The following NXPE2 variants were observed in gnomAD, a reference collection of about 807,000 sequenced individuals.
The protein encoded by NXPE2 is neurexophilin and PC-esterase domain family member 2.
In NXPE2, 34 loss-of-function variants were observed where a neutral mutation model predicts 34.4. That is an observed-to-expected ratio of 0.99 (90% CI 0.75 to 1.31). The LOEUF (loss-of-function observed/expected upper bound fraction) is 1.31, where lower values mean the gene tolerates loss of function less well. Ranked by LOEUF, NXPE2 falls within the 40% of genes most tolerant of loss-of-function variation. The pLI, the probability that NXPE2 is intolerant of heterozygous loss-of-function variation, is 0.00. For synonymous variants in NXPE2, 235 were observed against 231.3 expected (o/e 1.02, Z -0.15); for missense variants, 649 against 672.5 (o/e 0.97, Z 0.39).
chr11:114,671,722 A>T, the NXPE2 span, among the ~76,000 whole-genome samples: 1 of 152,040 alleles, frequency 6.6e-6, no homozygotes, highest in Non-Finnish European at 1.5e-5. Context: ...GAAGAGGAAA[A>T]AGAGAAATTC....
At chr11:114,713,697 A>G in the NXPE2 span, among the ~76,000 whole-genome samples, 1,310 of 152,240 alleles carry the variant, frequency 8.6e-3, 19 homozygotes, top group African/African-American at 0.029. Context: ...TGAATTCTCT[A>G]TTTTCTTCGA....
At chr11:114,588,265 T>C in the NXPE2 span, among the ~76,000 whole-genome samples, 4 of 152,160 alleles carry the variant, frequency 2.6e-5, no homozygotes, top group Admixed American at 2.6e-4. Flanking sequence ...AGCTTCACTC[T>C]TATCCTTACA....
At chr11:114,582,510 A>T in the NXPE2 span, 1 of 1,614,112 alleles carries the variant, frequency 6.2e-7, no homozygotes, top group Non-Finnish European at 8.5e-7. Flanking sequence ...GCCAGTGAAG[A>T]TCACCCTGTC....
At chr11:114,529,384 C>A in the NXPE2 span, 1 of 152,128 alleles carries the variant, frequency 6.6e-6, no homozygotes, top group African/African-American at 2.4e-5. Flanking sequence ...TCAAAGTAGC[C>A]CATGAAGGAA....
the NXPE2 span, among the ~76,000 whole-genome samples, chr11:114,725,154 C>T: frequency 6.6e-6 from 1 of 152,002 alleles, no homozygotes; most frequent in Non-Finnish European, 1.5e-5. Context: ...TTAACAAGGA[C>T]AGCGAAGATA....
At chr11:114,637,893 A>C in the NXPE2 span, among the ~76,000 whole-genome samples, 1 of 151,902 alleles carries the variant, frequency 6.6e-6, no homozygotes, top group Admixed American at 6.6e-5. Flanking sequence ...GGCTGCCCTT[A>C]ACATTTTTTC....
the NXPE2 span, among the ~76,000 whole-genome samples, chr11:114,646,285 A>G: frequency 1.3e-5 from 2 of 151,580 alleles, no homozygotes; most frequent in African/African-American, 4.8e-5. Flanking sequence ...TTTTTCAAGA[A>G]TTTTTTTCAT....
chr11:114,507,085 TTATAA>T, the NXPE2 span, among the ~76,000 whole-genome samples: 1 of 151,776 alleles, frequency 6.6e-6, no homozygotes, highest in South Asian at 2.1e-4. Context: ...CCACAGAATA[TTATAA>T]ACACCTCTAT....
At chr11:114,586,778 C>A in the NXPE2 span, among the ~76,000 whole-genome samples, 1 of 152,306 alleles carries the variant, frequency 6.6e-6, no homozygotes, top group East Asian at 1.9e-4. Flanking sequence ...CAAATTTTCT[C>A]CTTTCCTATC....
the NXPE2 span, among the ~76,000 whole-genome samples, chr11:114,629,755 T>G: frequency 4.0e-5 from 6 of 151,330 alleles, no homozygotes; most frequent in African/African-American, 1.2e-4. Context: ...ACGACATGAT[T>G]GTATATCTAG....
the NXPE2 span, among the ~76,000 whole-genome samples, chr11:114,650,060 C>A: frequency 6.6e-6 from 1 of 152,092 alleles, no homozygotes; most frequent in South Asian, 2.1e-4. Flanking sequence ...ACACTGCTTC[C>A]ACCCTAACAA....
the NXPE2 span, among the ~76,000 whole-genome samples, chr11:114,505,461 A>C: frequency 6.6e-6 from 1 of 151,910 alleles, no homozygotes; most frequent in Non-Finnish European, 1.5e-5. Context: ...AAAAAATGTT[A>C]AAGGCAGCCA....
Position 114,707,053 on chromosome 11 carries a change from A to T in NXPE2, c.*123A>T, listed in dbSNP as rs1951492632. The T allele has an allele frequency of 1.4e-6, 1 of 697,624 alleles. No individual in the cohort carries two copies. The highest frequency in any genetic ancestry group is 2.3e-6 in the Non-Finnish European group (1 of 428,496). 43.2% of individuals were successfully genotyped at this position (697,624 alleles called of 1,614,324 possible). ...TTTGAAAAAGTTCTATTAAAGTTAA[A>T]TATATGTAACATAACATTTACCATT... On this transcript the variant is annotated 3_prime_UTR_variant, in exon 6 of 6. Coordinates refer to ENST00000389586, the MANE Select transcript of NXPE2 (RefSeq NM_182495.6).
At chr11:114,767,544 A>G in the NXPE2 span, among the ~76,000 whole-genome samples, 14 of 152,318 alleles carry the variant, frequency 9.2e-5, no homozygotes, top group African/African-American at 3.4e-4. Context: ...TGTCTATCCA[A>G]TAGCAAAACT....
At chr11:114,755,403 G>C in the NXPE2 span, among the ~76,000 whole-genome samples, 1 of 152,028 alleles carries the variant, frequency 6.6e-6, no homozygotes, top group Non-Finnish European at 1.5e-5. Flanking sequence ...TTCATTTCTG[G>C]ATGTTTTTCT....
chr11:114,547,008 C>G, the NXPE2 span, among the ~76,000 whole-genome samples: 2 of 152,252 alleles, frequency 1.3e-5, no homozygotes, highest in East Asian at 3.9e-4. Flanking sequence ...AGACAAATCT[C>G]TTGTACAGAA....
chr11:114,632,171 TAATA>T, the NXPE2 span, among the ~76,000 whole-genome samples: 10 of 141,162 alleles, frequency 7.1e-5, no homozygotes, highest in Non-Finnish European at 1.2e-4. Context: ...ATTTATCATA[TAATA>T]TATAATAAAT....
At chr11:114,765,443 C>A in the NXPE2 span, among the ~76,000 whole-genome samples, 1 of 150,236 alleles carries the variant, frequency 6.7e-6, no homozygotes, top group African/African-American at 2.5e-5. Flanking sequence ...ACATACATTT[C>A]TTAGATATAA....
chr11:114,766,982 T>TG, the NXPE2 span, among the ~76,000 whole-genome samples: 47 of 149,558 alleles, frequency 3.1e-4, no homozygotes, highest in African/African-American at 1.1e-3. Flanking sequence ...TTGAAATTTC[T>TG]GAAAAAAAAA....
Sources: allele counts gnomAD v4.1 joint callset (sites outside exome capture counted in the v4.1 genomes callset), GRCh38; gene constraint gnomAD v4.1.1; transcripts MANE v1.5; gene names NCBI Gene and HGNC (gene_info 2026-07-23, HGNC 2026-07-21).